Variants in FRAS1 observed in about 807,000 individuals in gnomAD.
The protein encoded by FRAS1 is extracellular matrix organizing protein FRAS1.
Under a neutral mutation model 435.2 loss-of-function variants are expected in FRAS1, and 290 were observed. The ratio of observed to expected loss-of-function variants is 0.67; its 90% confidence interval spans 0.61 to 0.73. The LOEUF (loss-of-function observed/expected upper bound fraction) is 0.73. Among genes scored for constraint, FRAS1 ranks in the 30% least tolerant of loss-of-function variants. FRAS1 has a pLI of 0.00. For synonymous variants in FRAS1, 1,800 were observed against 1,851.0 expected (o/e 0.97, Z 0.71); for missense variants, 4,860 against 5,001.5 (o/e 0.97, Z 0.85).
intron 35 of FRAS1, among the ~76,000 whole-genome samples, chr4:78,425,017 C>G (rs1382319616): frequency 6.6e-6 from 1 of 151,878 alleles, no homozygotes; most frequent in Non-Finnish European, 1.5e-5. Flanking sequence ...ATCCTAAGCC[C>G]TGCATCCAGA....
intron 2 of FRAS1, among the ~76,000 whole-genome samples, chr4:78,070,008 C>T (rs936267044): frequency 6.6e-6 from 1 of 151,942 alleles, no homozygotes; most frequent in African/African-American, 2.4e-5. Context: ...GTCCCATATG[C>T]CCACCCCCTC....
chr4:78,396,643 C>T (rs561240199), intron 29 of FRAS1, among the ~76,000 whole-genome samples: 4 of 152,286 alleles, frequency 2.6e-5, no homozygotes, highest in South Asian at 2.1e-4. Context: ...TTGGAATTTC[C>T]GTAATAGGTT....
intron 2 of FRAS1, among the ~76,000 whole-genome samples, chr4:78,093,446 T>C (rs920541485): frequency 2.0e-5 from 3 of 152,198 alleles, no homozygotes; most frequent in Non-Finnish European, 4.4e-5. Context: ...AAAAACAGTA[T>C]TCATACCACT....
chr4:78,388,347 CA>C (rs940252053), intron 29 of FRAS1, among the ~76,000 whole-genome samples: 1 of 135,534 alleles, frequency 7.4e-6, no homozygotes, highest in East Asian at 2.1e-4. Context: ...AAAAAAAAAA[CA>C]AAAAAAACCC....
Position 78,112,100 on chromosome 4 carries a change from T to C in FRAS1, c.108+46084T>C, listed in dbSNP as rs747898088. On this transcript the variant is annotated intron_variant, in intron 2 of 73. Transcript: ENST00000512123. Reference sequence around the variant, plus strand: ...CCTTAGGGAATGTGTTGCCCTTTTTTTCTGTATTTTTCATATCATGAATCT... The same window carrying C: ...CCTTAGGGAATGTGTTGCCCTTTTTCTCTGTATTTTTCATATCATGAATCT... 3.5e-4 allele frequency among the ~76,000 whole-genome samples: 54 copies of C among 152,292 alleles called. 1 individual carries two copies. The highest frequency in any genetic ancestry group is 5.3e-4 in the African/African-American group (22 of 41,580).
At chr4:78,168,010 G>C (rs1276387807) in intron 2 of FRAS1, among the ~76,000 whole-genome samples, 3 of 151,676 alleles carry the variant, frequency 2.0e-5, no homozygotes, top group Non-Finnish European at 4.4e-5. Flanking sequence ...CCTAATTTTT[G>C]TGTGTCTCTA....
chr4:78,544,075 A>T lies in FRAS1; in HGVS notation c.*2951A>T, dbSNP rs1722136952. 6.6e-6 allele frequency: 1 copy of T among 152,642 alleles called. No homozygotes were observed. The highest frequency in any genetic ancestry group is 6.5e-5 in the Admixed American group (1 of 15,284). 9.5% of individuals were successfully genotyped at this position (152,642 alleles called of 1,614,324 possible). A position where few individuals can be genotyped will look rare whatever the true frequency, so the allele number is the denominator to read the frequency against. The stretch of plus-strand genomic sequence containing the variant: ...ATGATATTCAGTCTCAGTCTGCTAT[A>T]GGTATTTGTTATTCTTGGATACTAC... On this transcript the variant is annotated 3_prime_UTR_variant, in exon 74 of 74. Coordinates refer to ENST00000512123, the MANE Select transcript of FRAS1 (RefSeq NM_025074.7).
rs566095703 is a variant in FRAS1, at chr4:78,102,103, T to C, written c.108+36087T>C. Among the ~76,000 whole-genome samples, 3 of 152,090 alleles carry C rather than the reference T, an allele frequency of 2.0e-5. No homozygotes were observed. The East Asian group carries it at 5.8e-4, about 29-fold the overall frequency. Reference sequence around the variant, plus strand: ...AATGTTCTAACCAATTGTACTTTGATCACGGTTGAATATGGTGATTTTTTT... The same window carrying C: ...AATGTTCTAACCAATTGTACTTTGACCACGGTTGAATATGGTGATTTTTTT... On this transcript the variant is annotated intron_variant, in intron 2 of 73. Coordinates refer to ENST00000512123, the MANE Select transcript of FRAS1 (RefSeq NM_025074.7).
intron 14 of FRAS1, among the ~76,000 whole-genome samples, chr4:78,287,066 C>G (rs1380843731): frequency 6.6e-6 from 1 of 151,980 alleles, no homozygotes; most frequent in Non-Finnish European, 1.5e-5. Flanking sequence ...CACAGTTCTG[C>G]GTGGCTGGAG....
chr4:78,194,890 C>T (rs1722729889), intron 2 of FRAS1, among the ~76,000 whole-genome samples: 1 of 152,120 alleles, frequency 6.6e-6, no homozygotes. Flanking sequence ...GTTTTTTCCC[C>T]ATCTTTGTGG....
intron 2 of FRAS1, among the ~76,000 whole-genome samples, chr4:78,077,993 C>G (rs942775403): frequency 1.1e-4 from 17 of 151,220 alleles, no homozygotes; most frequent in African/African-American, 4.1e-4. Context: ...ATAATTAATA[C>G]TAAATATTAG....
In FRAS1 at chr4:78,482,398, T is replaced by G; in HGVS notation, c.8615T>G (p.Leu2872Trp). ...TGGTTTCTCTTCTAGTATTGCACCTTGACTATCTTGGATGACACTCAGTAT... is the reference window on the plus strand; with the variant it reads ...TGGTTTCTCTTCTAGTATTGCACCTGGACTATCTTGGATGACACTCAGTAT... ...GPGVIEQYCT[L>W]TILDDTQYPV... is the part of the protein sequence containing the mutation. The change falls in exon 58 of 74, where the codon TTG becomes TGG. Residue 2872 changes from leucine (L) to tryptophan (W), a missense_variant. By Grantham distance (61) the Leu-to-Trp change is moderately conservative. Coordinates refer to ENST00000512123, the MANE Select transcript of FRAS1 (RefSeq NM_025074.7). The G allele has an allele frequency of 6.2e-7, 1 of 1,613,862 alleles. No homozygotes were observed. Among genetic ancestry groups the G allele is most frequent in the Non-Finnish European group, 8.5e-7 (1 of 1,179,806 alleles).
chr4:78,098,733 C>T (rs1365496286), intron 2 of FRAS1, among the ~76,000 whole-genome samples: 1 of 152,222 alleles, frequency 6.6e-6, no homozygotes, highest in Admixed American at 6.5e-5. Flanking sequence ...ATAGGAGCTA[C>T]ATGAAGGCAT....
intron 33 of FRAS1, 86 bp from the exon 34 acceptor site, chr4:78,421,774 CCAA>C: frequency 7.0e-7 from 1 of 1,436,964 alleles, no homozygotes; most frequent in Non-Finnish European, 9.7e-7. Flanking sequence ...CAGACTCCCA[CCAA>C]CAAGAAGAGC....
intron 41 of FRAS1, among the ~76,000 whole-genome samples, chr4:78,442,428 G>A (rs1467958613): frequency 6.6e-6 from 1 of 152,254 alleles, no homozygotes; most frequent in African/African-American, 2.4e-5. Context: ...AGGCAGAAAA[G>A]TCTGAGAAAG....
Position 78,101,981 on chromosome 4 carries a change from CTTAATACCTCCATA to C in FRAS1, c.108+35969_108+35982del, listed in dbSNP as rs1251149117. ...AAATAACAAATAAAAGCCATTCCCC[CTTAATACCTCCATA>C]TTATACTGAAGAGGCCCTACCAAGA... On this transcript the variant is annotated intron_variant, in intron 2 of 73. Coordinates refer to ENST00000512123, the MANE Select transcript of FRAS1 (RefSeq NM_025074.7). 4.6e-5 allele frequency among the ~76,000 whole-genome samples: 7 copies of C among 152,282 alleles called. No homozygotes were observed. The East Asian group carries it at 5.8e-4, about 13-fold the overall frequency.
At chr4:78,338,754 G>A (rs567968028) in intron 20 of FRAS1, among the ~76,000 whole-genome samples, 1 of 152,318 alleles carries the variant, frequency 6.6e-6, no homozygotes, top group Non-Finnish European at 1.5e-5. Flanking sequence ...GGCACATTCA[G>A]TCTGGGATGG....
At chr4:78,438,460 A>G in intron 38 of FRAS1, 110 bp from the exon 39 acceptor site, 1 of 1,052,170 alleles carries the variant, frequency 9.5e-7, no homozygotes, top group Non-Finnish European at 1.4e-6. Flanking sequence ...ACAAAGAGAA[A>G]GAGACTTTTC....
At chr4:78,183,732 TTGTGTGTGTGTGTGTGTG>T (rs3974339) in intron 2 of FRAS1, among the ~76,000 whole-genome samples, 1 of 136,940 alleles carries the variant, frequency 7.3e-6, no homozygotes, top group Non-Finnish European at 1.6e-5. Flanking sequence ...TTCATTCTCT[TTGTGTGTGTGTGTGTGTG>T]TGTGTGTGTG....
Sources: gnomAD v4.1 joint callset for allele counts (sites outside exome capture counted in the v4.1 genomes callset) on GRCh38, gnomAD v4.1.1 for gene constraint, MANE v1.5 for transcripts, NCBI Gene and HGNC (gene_info 2026-07-23, HGNC 2026-07-21) for gene names.